CNEP1R1: variants seen among roughly 807,000 people sequenced by gnomAD.
CNEP1R1 encodes the protein CTD nuclear envelope phosphatase 1 regulatory subunit 1, also known as nuclear envelope phosphatase-regulatory subunit 1.
CNEP1R1 carries 10 observed loss-of-function variants against 22.7 expected under a neutral mutation model. The observed-to-expected ratio is 0.44, with a 90% confidence interval of 0.27 to 0.75. CNEP1R1 has a LOEUF of 0.75. Among genes scored for constraint, CNEP1R1 ranks in the 30% least tolerant of loss-of-function variants. The probability of loss-of-function intolerance (pLI) is 0.17; values close to 1 mark genes in which losing one functional copy is unlikely to be tolerated. For missense variants in CNEP1R1, 73 were observed against 151.5 expected (o/e 0.48, Z 2.72); for synonymous variants, 53 against 50.1 (o/e 1.06, Z -0.25).
chr16:50,030,868 T>G (rs2036225685), intron 3 of CNEP1R1, among the ~76,000 whole-genome samples: 1 of 152,236 alleles, frequency 6.6e-6, no homozygotes, highest in Non-Finnish European at 1.5e-5. Flanking sequence ...CTGAGGGATC[T>G]CCCACTGGGC....
intron 3 of CNEP1R1, among the ~76,000 whole-genome samples, chr16:50,031,992 A>C (rs1366034465): frequency 1.3e-5 from 2 of 152,218 alleles, no homozygotes; most frequent in Non-Finnish European, 2.9e-5. Context: ...GGTTTGAAGA[A>C]GACGTTCTTC....
At chr16:50,025,767 C>A in intron 1 of CNEP1R1, 1 of 1,388,010 alleles carries the variant, frequency 7.2e-7, no homozygotes, top group Non-Finnish European at 1.0e-6. Context: ...TACCCCACCA[C>A]TCACTCGGAG....
intron 2 of CNEP1R1, among the ~76,000 whole-genome samples, chr16:50,028,529 TTTA>T (rs1597117104): frequency 6.6e-6 from 1 of 152,202 alleles, no homozygotes; most frequent in African/African-American, 2.4e-5. Context: ...GGTTCTCTGG[TTTA>T]CCTAGGAATT....
At chr16:50,034,597 T>C (rs1333484875) in intron 5 of CNEP1R1, 1 of 165,394 alleles carries the variant, frequency 6.0e-6, no homozygotes, top group African/African-American at 2.4e-5. Flanking sequence ...ACCTATTGTG[T>C]TTTTAAAAGT....
intron 3 of CNEP1R1, among the ~76,000 whole-genome samples, chr16:50,031,834 A>T (rs1422177821): frequency 6.6e-6 from 1 of 152,092 alleles, no homozygotes. Context: ...GCCTGGAGAG[A>T]ACTGCTGTTT....
rs1366539395 is a variant in CNEP1R1, at chr16:50,029,743, C to G, written c.116C>G (p.Ser39Cys). 10 of 1,608,926 alleles carry G rather than the reference C, an allele frequency of 6.2e-6. No individual in the cohort carries two copies. The highest frequency in any genetic ancestry group is 8.5e-6 in the Non-Finnish European group (10 of 1,176,086). Residue 39 changes from serine (S) to cysteine (C), a missense_variant, in exon 3 of 6, where the codon TCT becomes TGT. By Grantham distance (112) the Ser-to-Cys change is moderately radical (BLOSUM62 -1). Transcript: ENST00000427478. ...TCATCAGTGCTTCTTATAGTGGTATCTGTCTGTACAGCTACTGGTGCCTGG... is the reference window on the plus strand; with the variant it reads ...TCATCAGTGCTTCTTATAGTGGTATGTGTCTGTACAGCTACTGGTGCCTGG... Reference protein sequence around the residue: ...GRWRMLLIVVSVCTATGAWNW... With the variant: ...GRWRMLLIVVCVCTATGAWNW...
rs996409439 is a variant in CNEP1R1 at position 50,030,313 on chromosome 16, G to A, written c.171+515G>A. On this transcript the variant is annotated intron_variant, in intron 3 of 5. Coordinates refer to ENST00000427478, the MANE Select transcript of CNEP1R1 (RefSeq NM_001281789.2). ...AAAAATCAGCCAAGTGTAGCATGCTGTACCCAGCTACTTGGGAGGCTGAGG... is the reference window on the plus strand; with the variant it reads ...AAAAATCAGCCAAGTGTAGCATGCTATACCCAGCTACTTGGGAGGCTGAGG... Among the ~76,000 whole-genome samples the A allele has an allele frequency of 2.6e-5, 4 of 152,056 alleles. No individual in the cohort carries two copies. In the East Asian group the frequency reaches 5.8e-4, roughly 22 times the overall value.
intron 4 of CNEP1R1, among the ~76,000 whole-genome samples, 187 bp downstream of exon 4, chr16:50,033,693 A>G (rs2036250645): frequency 6.6e-6 from 1 of 151,246 alleles, no homozygotes; most frequent in Admixed American, 6.6e-5. Flanking sequence ...GTGAAACCCC[A>G]TCTCTACTAA....
chr16:50,030,307 C>T (rs186756781), intron 3 of CNEP1R1, among the ~76,000 whole-genome samples: 13 of 152,158 alleles, frequency 8.5e-5, no homozygotes, highest in Non-Finnish European at 1.8e-4. Context: ...CCAAGTGTAG[C>T]ATGCTGTACC....
intron 1 of CNEP1R1, chr16:50,025,668 C>G: frequency 6.2e-7 from 1 of 1,614,006 alleles, no homozygotes; most frequent in South Asian, 1.1e-5. Context: ...AGTTGTATCC[C>G]TGATTCCTGC....
chr16:50,026,011 G>C, intron 1 of CNEP1R1: 1 of 455,422 alleles, frequency 2.2e-6, no homozygotes, highest in Non-Finnish European at 3.9e-6. Context: ...GGCACTACGT[G>C]GTTCTAATAG....
In CNEP1R1 at chr16:50,029,805, G is replaced by A. The variant is rs1175343843; in HGVS notation, c.171+7G>A. ...AGACCCTGAGACACAAAAGGTAGAAGTTTTGTTTTAAAATCATTAGCATAA... is the reference window on the plus strand; with the variant it reads ...AGACCCTGAGACACAAAAGGTAGAAATTTTGTTTTAAAATCATTAGCATAA... On this transcript the variant is annotated splice_region_variant and intron_variant, in intron 3 of 5. Coordinates refer to ENST00000427478, the MANE Select transcript of CNEP1R1 (RefSeq NM_001281789.2). 2 of 1,563,688 alleles carry A rather than the reference G, an allele frequency of 1.3e-6. No homozygotes were observed. Among genetic ancestry groups the A allele is most frequent in the South Asian group, 2.2e-5 (2 of 89,520 alleles).
In CNEP1R1 at chr16:50,026,716, T is replaced by C. The variant is rs2036187239; in HGVS notation, c.97+249T>C. The C allele has an allele frequency of 1.4e-5, 6 of 417,704 alleles. No homozygotes were observed. The East Asian group carries it at 2.2e-4, about 16-fold the overall frequency. The allele number at this position is 417,704 out of a possible 1,614,324, so 25.9% of individuals were successfully genotyped here. ...TTGGCCAGGCGCCGTAGCTCACGCC[T>C]GTAATCCCAGCACTTTAGGAAGCCC... On this transcript the variant is annotated intron_variant, in intron 2 of 5. Transcript: ENST00000427478.
At chr16:50,025,641 A>T in intron 1 of CNEP1R1, 1 of 1,613,170 alleles carries the variant, frequency 6.2e-7, no homozygotes, top group Non-Finnish European at 8.5e-7. Context: ...ATTTCATTTC[A>T]TTCTCACAGC....
At chr16:50,031,845 C>G (rs186281202) in intron 3 of CNEP1R1, among the ~76,000 whole-genome samples, 3 of 152,224 alleles carry the variant, frequency 2.0e-5, no homozygotes, top group South Asian at 2.1e-4. Flanking sequence ...ACTGCTGTTT[C>G]AATGCATTGG....
At position 50,025,356 on chromosome 16, in the gene CNEP1R1, C is replaced by G; in HGVS notation, c.25+16C>G. ...CAGGCGGAAGGTAGGGTGGGCCGCC[C>G]GGGCCCGTCCCCCGTCTCCCCTCGG... On this transcript the variant is annotated intron_variant, in intron 1 of 5. Transcript: ENST00000427478. 7.0e-7 allele frequency: 1 copy of G among 1,435,406 alleles called. No individual in the cohort carries two copies. Among genetic ancestry groups the G allele is most frequent in the Non-Finnish European group, 9.1e-7 (1 of 1,098,450 alleles). The allele number at this position is 1,435,406 out of a possible 1,614,324, so 88.9% of individuals were successfully genotyped here.
chr16:50,033,402 C>T lies in CNEP1R1; in HGVS notation c.177C>T (p.Ser59=). 6.5e-7 allele frequency: 1 copy of T among 1,549,864 alleles called. No individual in the cohort carries two copies. The change falls in exon 4 of 6, where the codon TCC becomes TCT. Residue 59 remains serine, a synonymous_variant. Transcript: ENST00000427478. ...WLIDPETQKV[S]FFTSLWNHPF... ...TTTCATCTCTTCTTTTACAGGTGTC[C>T]TTCTTCACATCATTATGGAATCACC...
Position 50,037,050 on chromosome 16 carries a change from A to G in CNEP1R1, c.*1592A>G, listed in dbSNP as rs1315899252. 6.6e-6 allele frequency: 1 copy of G among 152,524 alleles called. No individual in the cohort carries two copies. Among genetic ancestry groups the G allele is most frequent in the Non-Finnish European group, 1.5e-5 (1 of 68,016 alleles). The allele number at this position is 152,524 out of a possible 1,614,324, so 9.4% of individuals were successfully genotyped here. On this transcript the variant is annotated 3_prime_UTR_variant, in exon 6 of 6. Transcript: ENST00000427478. ...TTTTCTGTAAATTTTGTAGGTAAAT[A>G]TGTGCATTAAAAATAAATACTTTAT...
chr16:50,033,506 T>A lies in CNEP1R1; in HGVS notation c.281T>A (p.Ile94Asn). The change falls in exon 4 of 6, where the codon ATT (isoleucine) becomes AAT (asparagine). Residue 94 changes from isoleucine (I) to asparagine (N), a missense_variant and splice_region_variant. Transcript: ENST00000427478. The part of the protein sequence containing the change: ...GIHKRVVAPS[I>N]IAARCRTVLA... ...CACAAGAGAGTAGTTGCACCATCAA[T>A]GTATCCTTTACCAAGGATTAAATTC... 6.9e-7 allele frequency: 1 copy of A among 1,452,298 alleles called. No homozygotes were observed. The allele number at this position is 1,452,298 out of a possible 1,614,324, so 90.0% of individuals were successfully genotyped here.
Sources: gnomAD v4.1 joint callset for allele counts (sites outside exome capture counted in the v4.1 genomes callset) on GRCh38, gnomAD v4.1.1 for gene constraint, MANE v1.5 for transcripts, NCBI Gene and HGNC (gene_info 2026-07-23, HGNC 2026-07-21) for gene names.